The following ACER2 variants were observed in gnomAD, a reference collection of about 807,000 sequenced individuals.
ACER2 encodes the protein alkCDase 2.
In ACER2, 26 loss-of-function variants were observed where a neutral mutation model predicts 34.7. The observed-to-expected ratio is 0.75, with a 90% CI of 0.55 to 1.04. The LOEUF (loss-of-function observed/expected upper bound fraction) is 1.04, where lower values mean the gene tolerates loss of function less well. Among genes scored for constraint, ACER2 ranks in the 50% least tolerant of loss-of-function variants. The pLI, the probability that ACER2 is intolerant of heterozygous loss-of-function variation, is 0.00. For missense variants in ACER2, 352 were observed against 340.8 expected (o/e 1.03, Z -0.26); for synonymous variants, 138 against 132.1 (o/e 1.04, Z -0.31).
intron 3 of ACER2, among the ~76,000 whole-genome samples, chr9:19,427,238 T>G (rs1206103896): frequency 2.0e-5 from 3 of 152,260 alleles, no homozygotes; most frequent in Non-Finnish European, 4.4e-5. Flanking sequence ...TTAGCTCTCC[T>G]GACTGCCTGG....
rs778265563 is a variant in ACER2, at chr9:19,446,260, ACT to A, written c.504-16_504-15del. On this transcript the variant is annotated intron_variant, in intron 4 of 5. Coordinates refer to ENST00000340967, the MANE Select transcript of ACER2 (RefSeq NM_001010887.3). Reference sequence around the variant, plus strand: ...TGGAGACAAGGTCTGACGATGAGTGACTCTCTGGACCCCCGTGCAGGTGTGAC... The same window carrying A: ...TGGAGACAAGGTCTGACGATGAGTGACTCTGGACCCCCGTGCAGGTGTGAC... The A allele has an allele frequency of 3.0e-5, 48 of 1,613,346 alleles. No individual in the cohort carries two copies. In the African/African-American group the frequency reaches 5.6e-4, roughly 19 times the overall value.
intron 1 of ACER2, among the ~76,000 whole-genome samples, chr9:19,410,898 G>T (rs984283495): frequency 2.0e-5 from 3 of 152,166 alleles, no homozygotes; most frequent in East Asian, 3.8e-4. Flanking sequence ...TGTAAATAAA[G>T]AATATAGTGA....
At position 19,424,732 on chromosome 9, in the gene ACER2, A is replaced by C; in HGVS notation, c.256A>C (p.Ser86Arg). The change falls in exon 3 of 6, where the codon AGT becomes CGT. Residue 86 changes from serine (S) to arginine (R), a missense_variant. Ser to Arg is a moderately radical substitution (Grantham distance 110). Coordinates refer to ENST00000340967, the MANE Select transcript of ACER2 (RefSeq NM_001010887.3). ...IGSVYFHATL[S>R]FLGQMLDELA... Reference sequence around the variant, plus strand: ...ATCCGTCTACTTCCATGCAACCCTTAGTTTCTTGGGTCAGATGCTTGATGA... The same window carrying C: ...ATCCGTCTACTTCCATGCAACCCTTCGTTTCTTGGGTCAGATGCTTGATGA... The C allele has an allele frequency of 2.5e-6, 4 of 1,613,978 alleles. No homozygotes were observed. Among genetic ancestry groups the C allele is most frequent in the Non-Finnish European group, 3.4e-6 (4 of 1,180,012 alleles).
chr9:19,446,203 A>G (rs772948245), intron 4 of ACER2, 78 bp from the exon 5 acceptor site: 17 of 1,605,076 alleles, frequency 1.1e-5, no homozygotes, highest in Non-Finnish European at 1.4e-5. Context: ...GAACCAGCGA[A>G]GGAGACACAG....
At chr9:19,423,754 G>A (rs1186172985) in intron 1 of ACER2, 108 bp from the exon 2 acceptor site, 2 of 812,154 alleles carry the variant, frequency 2.5e-6, no homozygotes, top group Non-Finnish European at 4.2e-6. Context: ...AACGAGATGT[G>A]TGACCACATT....
At chr9:19,441,322 T>G (rs1315320555) in intron 4 of ACER2, among the ~76,000 whole-genome samples, 1 of 152,152 alleles carries the variant, frequency 6.6e-6, no homozygotes, top group Non-Finnish European at 1.5e-5. Flanking sequence ...TTGCTGAGAT[T>G]ACAGGCATGA....
rs557286419 is a variant in ACER2, at chr9:19,416,610, C to G, written c.109-7252C>G. 1.5e-4 allele frequency among the ~76,000 whole-genome samples: 23 copies of G among 151,974 alleles called. No homozygotes were observed. In the East Asian group the frequency reaches 4.4e-3, roughly 29 times the overall value. On this transcript the variant is annotated intron_variant, in intron 1 of 5. Coordinates refer to ENST00000340967, the MANE Select transcript of ACER2 (RefSeq NM_001010887.3). Reference sequence around the variant, plus strand: ...GTGTGATCTCGGCTTACTGCAACCTCCGCCTCCCGGGTCCAAGTGATTCTC... The same window carrying G: ...GTGTGATCTCGGCTTACTGCAACCTGCGCCTCCCGGGTCCAAGTGATTCTC...
chr9:19,443,246 A>G (rs796742442), intron 4 of ACER2, among the ~76,000 whole-genome samples: 2 of 152,070 alleles, frequency 1.3e-5, no homozygotes, highest in East Asian at 3.9e-4. Flanking sequence ...GTTAGCCAGG[A>G]TGGTCTTGAT....
At chr9:19,415,336 C>G (rs1381771935) in intron 1 of ACER2, among the ~76,000 whole-genome samples, 1 of 151,718 alleles carries the variant, frequency 6.6e-6, no homozygotes, top group Non-Finnish European at 1.5e-5. Context: ...ACTGAAAATA[C>G]AAAAAATTAG....
intron 3 of ACER2, among the ~76,000 whole-genome samples, chr9:19,431,059 C>A (rs1449802928): frequency 2.0e-5 from 3 of 152,026 alleles, no homozygotes; most frequent in Non-Finnish European, 4.4e-5. Flanking sequence ...TTTGGCAGTA[C>A]TCTGTGGAGC....
At chr9:19,416,525 T>G (rs1422338316) in intron 1 of ACER2, among the ~76,000 whole-genome samples, 2 of 151,950 alleles carry the variant, frequency 1.3e-5, no homozygotes, top group Non-Finnish European at 2.9e-5. Context: ...TTATTTTTAT[T>G]TTTTATTTTA....
Position 19,424,472 on chromosome 9 carries a change from T to G in ACER2, c.224-228T>G, listed in dbSNP as rs533302990. ...GACAGAATGCGTTTAACTGTGGAAT[T>G]GTTAAAGTTCTGATGTGCTGATATT... is the stretch of plus-strand genomic sequence containing the variant. On this transcript the variant is annotated intron_variant, in intron 2 of 5. Transcript: ENST00000340967. The G allele has an allele frequency of 1.6e-5, 16 of 985,386 alleles. No homozygotes were observed. In the African/African-American group the frequency reaches 2.4e-4, roughly 15 times the overall value. The allele number at this position is 985,386 out of a possible 1,614,324, so 61.0% of individuals were successfully genotyped here. A position where few individuals can be genotyped will look rare whatever the true frequency, so the allele number is the denominator to read the frequency against.
chr9:19,430,239 T>A (rs556381121), intron 3 of ACER2, among the ~76,000 whole-genome samples: 1 of 152,196 alleles, frequency 6.6e-6, no homozygotes, highest in South Asian at 2.1e-4. Context: ...CTTTAAAGGG[T>A]AGTAAATGAT....
chr9:19,420,653 G>A (rs923115152), intron 1 of ACER2, among the ~76,000 whole-genome samples: 1 of 152,196 alleles, frequency 6.6e-6, no homozygotes, highest in African/African-American at 2.4e-5. Flanking sequence ...ACACCAGCTA[G>A]TGCCTTAGTC....
chr9:19,430,995 A>G (rs1830737911), intron 3 of ACER2, among the ~76,000 whole-genome samples: 1 of 146,440 alleles, frequency 6.8e-6, no homozygotes, highest in South Asian at 2.3e-4. Flanking sequence ...ACAAAACCAA[A>G]CAACAACAAC....
At chr9:19,424,120 C>A in intron 2 of ACER2, 144 bp downstream of exon 2, 1 of 831,558 alleles carries the variant, frequency 1.2e-6, no homozygotes, top group Non-Finnish European at 1.9e-6. Context: ...TTTTTTCCCA[C>A]TTGCTTGAAT....
intron 4 of ACER2, among the ~76,000 whole-genome samples, chr9:19,439,624 C>T (rs1031997076): frequency 2.6e-5 from 4 of 152,206 alleles, no homozygotes; most frequent in African/African-American, 4.8e-5. Context: ...TCCACATCCA[C>T]ATCTCTAGCT....
intron 1 of ACER2, among the ~76,000 whole-genome samples, chr9:19,410,531 G>A (rs150419302): frequency 3.9e-5 from 6 of 152,238 alleles, no homozygotes; most frequent in East Asian, 3.9e-4. Context: ...GCAACATGGC[G>A]AAACCTCATC....
rs1830829315 is a variant in ACER2 at position 19,433,517 on chromosome 9, A to G, written c.366-1430A>G. Reference sequence around the variant, plus strand: ...ATCCCAAGGCAGAAGAATTTTTCTTAGTACAGAACAAAATGAAAAGTCTCC... The same window carrying G: ...ATCCCAAGGCAGAAGAATTTTTCTTGGTACAGAACAAAATGAAAAGTCTCC... On this transcript the variant is annotated intron_variant, in intron 3 of 5. Transcript: ENST00000340967. Among the ~76,000 whole-genome samples the G allele has an allele frequency of 3.9e-5, 6 of 152,020 alleles. No homozygotes were observed. In the South Asian group the frequency reaches 1.2e-3, roughly 31 times the overall value.
Sources: allele counts gnomAD v4.1 joint callset (sites outside exome capture counted in the v4.1 genomes callset), GRCh38; gene constraint gnomAD v4.1.1; transcripts MANE v1.5; gene names NCBI Gene and HGNC (gene_info 2026-07-23, HGNC 2026-07-21).